ETS1: variants seen among roughly 807,000 people sequenced by gnomAD.
The protein encoded by ETS1 is protein C-ets-1.
A neutral mutation model predicts 58.6 loss-of-function variants in ETS1; 15 were observed. The ratio of observed to expected loss-of-function variants is 0.26; its 90% confidence interval spans 0.17 to 0.39. The LOEUF is 0.39. Among genes scored for constraint, ETS1 ranks in the 10% least tolerant of loss-of-function variants. The pLI is 1.00. For synonymous variants in ETS1, 214 were observed against 218.2 expected (o/e 0.98, Z 0.17); for missense variants, 417 against 610.5 (o/e 0.68, Z 3.34).
rs185516192 is a variant in ETS1, at chr11:128,494,682, G to A, written c.215-4106C>T. 7.0e-4 allele frequency among the ~76,000 whole-genome samples: 106 copies of A among 152,230 alleles called. 1 individual carries two copies. The Middle Eastern group carries it at 0.014, about 20-fold the overall frequency. On this transcript the variant is annotated intron_variant, in intron 3 of 9. Transcript: ENST00000392668. ...CCACTCTTTTCAGTTCTTTGAAACC[G>A]AATGGCTCTTACCAACAATGGTACA...
chr11:128,501,272 A>C (rs564032649), intron 3 of ETS1, among the ~76,000 whole-genome samples: 1 of 152,296 alleles, frequency 6.6e-6, no homozygotes, highest in Non-Finnish European at 1.5e-5. Flanking sequence ...TCAGAAGTTA[A>C]ATGGGAACAA....
chr11:128,525,394 T>C (rs1284785163), intron 3 of ETS1, among the ~76,000 whole-genome samples: 1 of 152,046 alleles, frequency 6.6e-6, no homozygotes, highest in Non-Finnish European at 1.5e-5. Flanking sequence ...AAATATACAC[T>C]TAATGTTGAA....
chr11:128,555,940 G>A (rs147602227), intron 3 of ETS1, among the ~76,000 whole-genome samples: 300 of 152,316 alleles, frequency 2.0e-3, no homozygotes, highest in Non-Finnish European at 3.1e-3. Context: ...TAAGAAGGCC[G>A]AGCAATTCAC....
At chr11:128,573,183 C>A in intron 1 of ETS1, 39 bp from the exon 2 acceptor site, 1 of 1,446,112 alleles carries the variant, frequency 6.9e-7, no homozygotes, top group South Asian at 1.2e-5. Flanking sequence ...TCTGGATGCT[C>A]ACAGGTTTGT....
chr11:128,574,476 C>T (rs1444646116), intron 1 of ETS1, among the ~76,000 whole-genome samples: 1 of 152,116 alleles, frequency 6.6e-6, no homozygotes, highest in Non-Finnish European at 1.5e-5. Flanking sequence ...GGAAGAGCTC[C>T]TCATTGGTGA....
chr11:128,479,769 C>T (rs533252055), intron 8 of ETS1, among the ~76,000 whole-genome samples: 60 of 152,148 alleles, frequency 3.9e-4, no homozygotes, highest in Non-Finnish European at 5.7e-4. Flanking sequence ...GAGTCCAGTG[C>T]GGAGGCCATT....
chr11:128,538,434 G>A (rs145002819), intron 3 of ETS1, among the ~76,000 whole-genome samples: 129 of 152,160 alleles, frequency 8.5e-4, no homozygotes, highest in African/African-American at 2.9e-3. Context: ...TGCTTTTCCT[G>A]GTTACTATTA....
chr11:128,542,902 G>A (rs1279021656), intron 3 of ETS1, among the ~76,000 whole-genome samples: 2 of 152,136 alleles, frequency 1.3e-5, no homozygotes, highest in Non-Finnish European at 2.9e-5. Flanking sequence ...GCCCAGCGTG[G>A]TGGCTCACAC....
At chr11:128,570,760 T>C (rs1052487016) in intron 2 of ETS1, among the ~76,000 whole-genome samples, 1 of 152,218 alleles carries the variant, frequency 6.6e-6, no homozygotes, top group African/African-American at 2.4e-5. Context: ...TAATGACCTC[T>C]ATGTGAGGAA....
intron 1 of ETS1, among the ~76,000 whole-genome samples, chr11:128,583,828 A>C (rs1234048668): frequency 6.6e-6 from 1 of 152,100 alleles, no homozygotes; most frequent in African/African-American, 2.4e-5. Context: ...GTTCCCTCTA[A>C]GTTCTGAAGG....
intron 3 of ETS1, among the ~76,000 whole-genome samples, chr11:128,507,096 C>T (rs1476629695): frequency 6.6e-6 from 1 of 152,110 alleles, no homozygotes; most frequent in Non-Finnish European, 1.5e-5. Context: ...GAGGAAGGTG[C>T]AGTCACAACA....
At chr11:128,506,355 C>G (rs1323393016) in intron 3 of ETS1, among the ~76,000 whole-genome samples, 1 of 152,186 alleles carries the variant, frequency 6.6e-6, no homozygotes, top group African/African-American at 2.4e-5. Flanking sequence ...ATGAGCCCAA[C>G]AATGAATACC....
At chr11:128,550,780 G>A (rs1591657003) in intron 3 of ETS1, among the ~76,000 whole-genome samples, 2 of 152,280 alleles carry the variant, frequency 1.3e-5, no homozygotes, top group South Asian at 2.1e-4. Flanking sequence ...TTAATGTTTG[G>A]ACTTTATTTA....
intron 8 of ETS1, among the ~76,000 whole-genome samples, chr11:128,474,459 T>G (rs748723848): frequency 6.6e-6 from 1 of 152,158 alleles, no homozygotes; most frequent in Non-Finnish European, 1.5e-5. Flanking sequence ...TAGCAGATGA[T>G]TAAGAAAAAT....
chr11:128,493,357 C>G (rs886519799), intron 3 of ETS1, among the ~76,000 whole-genome samples: 43 of 152,326 alleles, frequency 2.8e-4, no homozygotes, highest in African/African-American at 9.9e-4. Flanking sequence ...GTTTCTGCTT[C>G]CTGTCAGGGG....
At position 128,464,824 on chromosome 11, in the gene ETS1, CTTG is replaced by C. The variant is rs1320826260; in HGVS notation, c.1124-1200_1124-1198del. Among the ~76,000 whole-genome samples the C allele has an allele frequency of 6.6e-6, 1 of 152,176 alleles. No homozygotes were observed. Among genetic ancestry groups the C allele is most frequent in the Non-Finnish European group, 1.5e-5 (1 of 68,024 alleles). ...CCTTCATAATCCATAAGGGTAATGTCTTGTTGTATCTCATATTTCTACAAGACA... is the reference window on the plus strand; with the variant it reads ...CCTTCATAATCCATAAGGGTAATGTCTTGTATCTCATATTTCTACAAGACA... On this transcript the variant is annotated intron_variant, in intron 8 of 9. Coordinates refer to ENST00000392668, the MANE Select transcript of ETS1 (RefSeq NM_001143820.2). This position sits in a 1 kb window ranked among gnomAD's most constrained non-coding sequence, Gnocchi z 4.1.
chr11:128,587,280 C>T (rs1403979362), intron 1 of ETS1, among the ~76,000 whole-genome samples: 4 of 151,804 alleles, frequency 2.6e-5, no homozygotes, highest in African/African-American at 9.7e-5. Context: ...CATAGTCTTG[C>T]TTTCAGACTA....
intron 2 of ETS1, among the ~76,000 whole-genome samples, chr11:128,558,683 A>AAAAG (rs1864355463): frequency 6.8e-6 from 1 of 147,236 alleles, no homozygotes; most frequent in African/African-American, 2.5e-5. Flanking sequence ...AAAAAAAAAA[A>AAAAG]AGAGAGAGAG....
intron 8 of ETS1, among the ~76,000 whole-genome samples, chr11:128,465,673 T>G (rs977562555): frequency 3.3e-5 from 5 of 152,148 alleles, no homozygotes; most frequent in Admixed American, 6.5e-5. Flanking sequence ...CCCAAAGCTA[T>G]GTAAAAGAAG....
Sources: allele counts gnomAD v4.1 joint callset (sites outside exome capture counted in the v4.1 genomes callset), GRCh38; gene constraint gnomAD v4.1.1; non-coding constraint Gnocchi (gnomAD v3.1); transcripts MANE v1.5; gene names NCBI Gene and HGNC (gene_info 2026-07-23, HGNC 2026-07-21).